The following B4GALNT3 variants were observed in gnomAD, a reference collection of about 807,000 sequenced individuals.
The protein encoded by B4GALNT3 is beta-1,4-N-acetyl-galactosaminyltransferase 3.
A neutral mutation model predicts 120.2 loss-of-function variants in B4GALNT3; 86 were observed. That is an observed-to-expected ratio of 0.72 (90% confidence interval 0.60 to 0.86). B4GALNT3 has a LOEUF of 0.86. Among genes scored for constraint, B4GALNT3 ranks in the 40% least tolerant of loss-of-function variants. The probability of loss-of-function intolerance (pLI) is 0.00; values close to 1 mark genes in which losing one functional copy is unlikely to be tolerated. For synonymous variants in B4GALNT3, 518 were observed against 510.4 expected, an observed-to-expected ratio of 1.01 and a Z score of -0.20; for missense variants, 1,167 against 1,298.9, an observed-to-expected ratio of 0.90 and a Z score of 1.56.
At chr12:561,321 A>T in intron 19 of B4GALNT3, 22 bp from the exon 20 acceptor site, 1 of 1,593,218 alleles carries the variant, frequency 6.3e-7, no homozygotes, top group Non-Finnish European at 8.6e-7. Flanking sequence ...CTGTTGGCTC[A>T]TCTGTGTTTC....
chr12:500,673 A>C (rs548267409), intron 1 of B4GALNT3, among the ~76,000 whole-genome samples: 1 of 152,152 alleles, frequency 6.6e-6, no homozygotes, highest in Admixed American at 6.5e-5. Context: ...TGGGTGCCCC[A>C]ACCCGGGACC....
rs557034005 is a variant in B4GALNT3, at chr12:491,581, G to A, written c.169+31036G>A. Among the ~76,000 whole-genome samples, 15 of 151,626 alleles carry A rather than the reference G, an allele frequency of 9.9e-5. No homozygotes were observed. The East Asian group carries it at 2.5e-3, about 26-fold the overall frequency. ...TGAGCTCAAGCAATCTGCCTGCCTC[G>A]GCCTCCCAAAGTGCTGGGATTATAG... On this transcript the variant is annotated intron_variant, in intron 1 of 19. Coordinates refer to ENST00000266383, the MANE Select transcript of B4GALNT3 (RefSeq NM_173593.4).
chr12:548,183 T>C lies in B4GALNT3; in HGVS notation c.787-48T>C. The C allele has an allele frequency of 1.2e-6, 2 of 1,609,356 alleles. No homozygotes were observed. Among genetic ancestry groups the C allele is most frequent in the Non-Finnish European group, 1.7e-6 (2 of 1,175,676 alleles). ...CTTGTCCCTTGACCCCTGTTGGAAATCCAGCTACCTCCCACCTTCTGCATC... is the reference window on the plus strand; with the variant it reads ...CTTGTCCCTTGACCCCTGTTGGAAACCCAGCTACCTCCCACCTTCTGCATC... On this transcript the variant is annotated intron_variant, in intron 8 of 19. Coordinates refer to ENST00000266383, the MANE Select transcript of B4GALNT3 (RefSeq NM_173593.4). The surrounding 1 kb of genome is among the most constrained non-coding windows in gnomAD (Gnocchi z 4.9).
Position 469,100 on chromosome 12 carries a change from C to G in B4GALNT3, c.169+8555C>G, listed in dbSNP as rs146644466. The stretch of plus-strand genomic sequence containing the variant: ...AAGCAGAATGTTTATGGAGCATTTA[C>G]TTTTTGTGGCAGACTCTGAGTGGAC... On this transcript the variant is annotated intron_variant, in intron 1 of 19. Coordinates refer to ENST00000266383, the MANE Select transcript of B4GALNT3 (RefSeq NM_173593.4). Among the ~76,000 whole-genome samples, 254 of 152,290 alleles carry G rather than the reference C, an allele frequency of 1.7e-3. 2 individuals are homozygous for G. The highest frequency in any genetic ancestry group is 6.0e-3 in the African/African-American group (248 of 41,564).
chr12:473,216 C>T (rs1424468216), intron 1 of B4GALNT3, among the ~76,000 whole-genome samples: 1 of 122,934 alleles, frequency 8.1e-6, no homozygotes, highest in African/African-American at 3.1e-5. Flanking sequence ...AATCCTCTTT[C>T]CTCAGCCTCC....
chr12:468,499 A>G (rs1946104345), intron 1 of B4GALNT3, among the ~76,000 whole-genome samples: 1 of 152,226 alleles, frequency 6.6e-6, no homozygotes. Flanking sequence ...AAACAGTGAC[A>G]CCATACAAGG....
chr12:553,063 A>G (rs1947102885), intron 13 of B4GALNT3, 131 bp from the exon 14 acceptor site: 1 of 1,346,128 alleles, frequency 7.4e-7, no homozygotes, highest in Non-Finnish European at 1.0e-6. Context: ...ACAGTAAGCG[A>G]TAGAACCTGG....
At chr12:496,890 T>C (rs1946394183) in intron 1 of B4GALNT3, among the ~76,000 whole-genome samples, 1 of 152,098 alleles carries the variant, frequency 6.6e-6, no homozygotes, top group Non-Finnish European at 1.5e-5. Context: ...TTATTCTATT[T>C]ATTTAGAGAC....
Position 463,174 on chromosome 12 carries a change from G to C in B4GALNT3, c.169+2629G>C, listed in dbSNP as rs568925006. ...CTGGAAGGCCAGCCCCCATTACCAG[G>C]AACCTTTCATTTGCCTGTCCCTGTG... On this transcript the variant is annotated intron_variant, in intron 1 of 19. Coordinates refer to ENST00000266383, the MANE Select transcript of B4GALNT3 (RefSeq NM_173593.4). Among the ~76,000 whole-genome samples, 20 of 152,312 alleles carry C rather than the reference G, an allele frequency of 1.3e-4. No homozygotes were observed. The East Asian group carries it at 3.9e-3, about 29-fold the overall frequency.
In B4GALNT3 at chr12:549,463, T is replaced by C. The variant is rs556350444; in HGVS notation, c.854-306T>C. On this transcript the variant is annotated intron_variant, in intron 9 of 19. Transcript: ENST00000266383. ...AAGTGCTCTGTAAGCGTTCAATAAA[T>C]TAGGCGTACTTAATGCCACATTTCT... Among the ~76,000 whole-genome samples, 17 of 152,374 alleles carry C rather than the reference T, an allele frequency of 1.1e-4. No homozygotes were observed. In the South Asian group the frequency reaches 3.3e-3, roughly 30 times the overall value.
intron 3 of B4GALNT3, among the ~76,000 whole-genome samples, chr12:539,469 G>A (rs1030608832): frequency 6.6e-6 from 1 of 151,512 alleles, no homozygotes; most frequent in Non-Finnish European, 1.5e-5. Context: ...GCTTTGAGAA[G>A]GCAGTGTCTC....
At chr12:462,633 G>A (rs543933167) in intron 1 of B4GALNT3, among the ~76,000 whole-genome samples, 1 of 152,136 alleles carries the variant, frequency 6.6e-6, no homozygotes, top group Non-Finnish European at 1.5e-5. Context: ...GTTTTTAACA[G>A]GAGGCTAAGC....
chr12:485,317 A>G (rs1305968170), intron 1 of B4GALNT3, among the ~76,000 whole-genome samples: 2 of 152,218 alleles, frequency 1.3e-5, no homozygotes, highest in African/African-American at 2.4e-5. Context: ...AAGTTGAGAG[A>G]AAAGGAGGGA....
chr12:471,917 T>C (rs1384545329), intron 1 of B4GALNT3, among the ~76,000 whole-genome samples: 2 of 152,352 alleles, frequency 1.3e-5, no homozygotes, highest in East Asian at 3.9e-4. Context: ...GGCTTTACTA[T>C]GTAAATAAAA....
intron 1 of B4GALNT3, among the ~76,000 whole-genome samples, chr12:525,023 A>G (rs1217156563): frequency 6.6e-6 from 1 of 152,246 alleles, no homozygotes. Context: ...TTTCCCACCC[A>G]GGTCCCTTTT....
chr12:528,597 G>A (rs1343927825), intron 1 of B4GALNT3, among the ~76,000 whole-genome samples: 1 of 152,184 alleles, frequency 6.6e-6, no homozygotes, highest in African/African-American at 2.4e-5. Context: ...TGGAGCATTG[G>A]GTTTGCCTTA....
chr12:468,646 A>G (rs1946106209), intron 1 of B4GALNT3, among the ~76,000 whole-genome samples: 2 of 152,218 alleles, frequency 1.3e-5, no homozygotes, highest in Admixed American at 1.3e-4. Flanking sequence ...TCACACCAGC[A>G]AGGACACCTC....
chr12:543,468 T>C (rs1472644938), intron 3 of B4GALNT3, among the ~76,000 whole-genome samples: 6 of 77,932 alleles, frequency 7.7e-5, no homozygotes, highest in African/African-American at 1.7e-4. Context: ...GGTGCTCATC[T>C]TCCTGGAGCT....
intron 3 of B4GALNT3, among the ~76,000 whole-genome samples, chr12:544,025 G>A: frequency 7.5e-6 from 1 of 133,480 alleles, no homozygotes. Context: ...TCCCGGAGCT[G>A]AGGAGCTGGG....
Sources: allele counts gnomAD v4.1 joint callset (sites outside exome capture counted in the v4.1 genomes callset), GRCh38; gene constraint gnomAD v4.1.1; non-coding constraint Gnocchi (gnomAD v3.1); transcripts MANE v1.5; gene names NCBI Gene and HGNC (gene_info 2026-07-23, HGNC 2026-07-21).